The following SRPK2 variants were observed in gnomAD, a reference collection of about 807,000 sequenced individuals.
SRPK2 encodes SRSF protein kinase 2.
Under a neutral mutation model 90.8 loss-of-function variants are expected in SRPK2, and 21 were observed. The ratio of observed to expected loss-of-function variants is 0.23; its 90% CI spans 0.16 to 0.33. The LOEUF is 0.33. SRPK2 is among the 10% of genes least tolerant of loss of function. The pLI is 1.00. For synonymous variants in SRPK2, 288 were observed against 311.1 expected, an observed-to-expected ratio of 0.93 and a Z score of 0.78; for missense variants, 620 against 869.0, an observed-to-expected ratio of 0.71 and a Z score of 3.60.
At chr7:105,197,735 A>G (rs1727935381) in intron 3 of SRPK2, among the ~76,000 whole-genome samples, 1 of 152,204 alleles carries the variant, frequency 6.6e-6, no homozygotes, top group Non-Finnish European at 1.5e-5. Flanking sequence ...TACCGTGGGT[A>G]ATAAAGGAAA....
intron 2 of SRPK2, among the ~76,000 whole-genome samples, chr7:105,349,522 CAAA>C (rs572686995): frequency 4.5e-5 from 4 of 88,922 alleles, no homozygotes; most frequent in Admixed American, 1.2e-4. Flanking sequence ...AACTCCATCT[CAAA>C]AAAAAAAAAA....
intron 6 of SRPK2, among the ~76,000 whole-genome samples, chr7:105,162,104 C>T (rs1255449862): frequency 3.9e-5 from 6 of 152,134 alleles, no homozygotes; most frequent in African/African-American, 7.2e-5. Context: ...TGCAGTGGCA[C>T]GATCTCAGCT....
At chr7:105,351,640 T>TA (rs1269665127) in intron 2 of SRPK2, among the ~76,000 whole-genome samples, 3 of 151,656 alleles carry the variant, frequency 2.0e-5, no homozygotes, top group Non-Finnish European at 4.4e-5. Context: ...CCATCTCCAC[T>TA]AAAAATACAA....
chr7:105,153,663 A>G (rs1806080741), intron 7 of SRPK2, among the ~76,000 whole-genome samples: 1 of 152,150 alleles, frequency 6.6e-6, no homozygotes, highest in Non-Finnish European at 1.5e-5. Flanking sequence ...GCTACTGGTG[A>G]TAAGCGGTGG....
At chr7:105,268,864 T>C in intron 2 of SRPK2, 1 of 1,585,830 alleles carries the variant, frequency 6.3e-7, no homozygotes, top group South Asian at 1.1e-5. Flanking sequence ...ATCTTCTGCT[T>C]GATTTCTGGA....
chr7:105,154,442 A>G (rs951858018), intron 7 of SRPK2, among the ~76,000 whole-genome samples: 1 of 152,232 alleles, frequency 6.6e-6, no homozygotes, highest in Non-Finnish European at 1.5e-5. Context: ...TGGTTCAGTC[A>G]TAACAAAATT....
At chr7:105,175,330 G>A (rs1791702678) in intron 3 of SRPK2, among the ~76,000 whole-genome samples, 1 of 151,756 alleles carries the variant, frequency 6.6e-6, no homozygotes, top group Non-Finnish European at 1.5e-5. Flanking sequence ...CTTACATTAA[G>A]TGAAAATGAA....
rs10718877 is a variant in SRPK2, at chr7:105,145,107, CAA to C, written c.813+174_813+175del. 4.4e-3 allele frequency among the ~76,000 whole-genome samples: 473 copies of C among 107,190 alleles called. 1 individual carries two copies. The highest frequency in any genetic ancestry group is 8.9e-3 in the African/African-American group (254 of 28,574). The allele number at this position is 107,190 out of a possible 152,430, so 70.3% of individuals were successfully genotyped here. On this transcript the variant is annotated intron_variant, in intron 9 of 15. Coordinates refer to ENST00000393651, the MANE Select transcript of SRPK2 (RefSeq NM_182692.3). ...GAGCAACAGAGTGAAACTCAGTTTT[CAA>C]AAAAAAAAAAAAAAAAAATTAACAA...
intron 2 of SRPK2, among the ~76,000 whole-genome samples, chr7:105,270,437 T>C (rs1160409415): frequency 1.3e-5 from 2 of 148,748 alleles, no homozygotes; most frequent in South Asian, 2.1e-4. Flanking sequence ...GAGATGGAAT[T>C]TCACTCGTTG....
chr7:105,392,330 A>C (rs924170497), upstream of SRPK2, among the ~76,000 whole-genome samples: 6 of 152,328 alleles, frequency 3.9e-5, no homozygotes, highest in African/African-American at 1.4e-4. Context: ...TGTTCTCTTT[A>C]AAGTGGTTTC....
intron 15 of SRPK2, among the ~76,000 whole-genome samples, chr7:105,121,377 T>TAA (rs551673852): frequency 1.4e-4 from 6 of 41,786 alleles, no homozygotes; most frequent in Non-Finnish European, 4.4e-4. Context: ...TATGAAGACG[T>TAA]AAAAAAAAAA....
At chr7:105,356,727 T>C (rs1484450035) in intron 2 of SRPK2, among the ~76,000 whole-genome samples, 1 of 152,158 alleles carries the variant, frequency 6.6e-6, no homozygotes, top group Non-Finnish European at 1.5e-5. Flanking sequence ...TGCATCTCTA[T>C]TAGATATATT....
At chr7:105,212,374 C>T (rs1003154840) in intron 2 of SRPK2, among the ~76,000 whole-genome samples, 2 of 152,134 alleles carry the variant, frequency 1.3e-5, no homozygotes, top group Non-Finnish European at 2.9e-5. Context: ...CTCCTGGTAT[C>T]GTTATGGAAA....
At chr7:105,192,745 A>G (rs1349731278) in intron 3 of SRPK2, among the ~76,000 whole-genome samples, 2 of 152,176 alleles carry the variant, frequency 1.3e-5, no homozygotes, top group Non-Finnish European at 2.9e-5. Context: ...ACATTCTTGC[A>G]GGAGTAAAGT....
intron 2 of SRPK2, among the ~76,000 whole-genome samples, chr7:105,316,589 T>A (rs1352856153): frequency 6.6e-6 from 1 of 152,238 alleles, no homozygotes; most frequent in African/African-American, 2.4e-5. Flanking sequence ...ATAAACAGTT[T>A]ATCTGCTGTT....
intron 7 of SRPK2, among the ~76,000 whole-genome samples, chr7:105,157,476 C>T (rs1806680129): frequency 6.6e-6 from 1 of 152,238 alleles, no homozygotes; most frequent in Non-Finnish European, 1.5e-5. Context: ...GAAGGGAAAC[C>T]TCAGGTAAGT....
intron 7 of SRPK2, among the ~76,000 whole-genome samples, chr7:105,155,376 G>C (rs1168507413): frequency 1.3e-5 from 2 of 152,214 alleles, no homozygotes; most frequent in Non-Finnish European, 2.9e-5. Context: ...CTAAGTAACT[G>C]ATCAGGAGTA....
intron 13 of SRPK2, among the ~76,000 whole-genome samples, chr7:105,128,013 A>G (rs978350675): frequency 1.3e-5 from 2 of 152,062 alleles, no homozygotes; most frequent in Non-Finnish European, 2.9e-5. Context: ...TCACTGCATC[A>G]ACCTACCTTC....
chr7:105,233,531 C>CAAAAT (rs958581759), intron 2 of SRPK2, among the ~76,000 whole-genome samples: 1 of 152,128 alleles, frequency 6.6e-6, no homozygotes, highest in Non-Finnish European at 1.5e-5. Flanking sequence ...ACTACTTTTA[C>CAAAAT]AAAATAGTTC....
Sources: gnomAD v4.1 joint callset for allele counts (sites outside exome capture counted in the v4.1 genomes callset) on GRCh38, gnomAD v4.1.1 for gene constraint, MANE v1.5 for transcripts, NCBI Gene and HGNC (gene_info 2026-07-23, HGNC 2026-07-21) for gene names.